The following GRM8 variants were observed in gnomAD, a reference collection of about 807,000 sequenced individuals.
The protein encoded by GRM8 is glutamate metabotropic receptor 8.
GRM8 carries 47 observed loss-of-function variants against 87.2 expected under a neutral mutation model. That is an observed-to-expected ratio of 0.54 (90% CI 0.43 to 0.69). The LOEUF is 0.69. Among genes scored for constraint, GRM8 ranks in the 30% least tolerant of loss-of-function variants. GRM8 has a pLI of 0.00. For synonymous variants in GRM8, 396 were observed against 404.5 expected, an observed-to-expected ratio of 0.98 and a Z score of 0.25; for missense variants, 1,019 against 1,139.2, an observed-to-expected ratio of 0.89 and a Z score of 1.52.
At chr7:127,003,676 T>C (rs1330120746) in intron 3 of GRM8, among the ~76,000 whole-genome samples, 3 of 151,742 alleles carry the variant, frequency 2.0e-5, no homozygotes, top group Non-Finnish European at 3.0e-5. Context: ...AAGTCTAAAC[T>C]TGAACAATGG....
At chr7:127,001,245 T>C (rs1401214930) in intron 3 of GRM8, among the ~76,000 whole-genome samples, 2 of 151,632 alleles carry the variant, frequency 1.3e-5, no homozygotes, top group Non-Finnish European at 3.0e-5. Flanking sequence ...TCAGATCATA[T>C]ACAAAATTAA....
intron 3 of GRM8, among the ~76,000 whole-genome samples, chr7:127,073,279 A>G (rs1485240762): frequency 2.0e-5 from 3 of 152,196 alleles, no homozygotes; most frequent in African/African-American, 7.2e-5. Flanking sequence ...ATCACTCTGA[A>G]CCCATGAACA....
At chr7:126,555,405 G>A (rs1487949966) in intron 8 of GRM8, among the ~76,000 whole-genome samples, 4 of 152,280 alleles carry the variant, frequency 2.6e-5, no homozygotes, top group East Asian at 1.9e-4. Flanking sequence ...TTTATCTTGC[G>A]TCACTACCAG....
At chr7:126,601,570 T>C (rs1313222572) in intron 8 of GRM8, among the ~76,000 whole-genome samples, 1 of 150,066 alleles carries the variant, frequency 6.7e-6, no homozygotes, top group South Asian at 2.1e-4. Context: ...TGTTCCTATT[T>C]CTCCACATCC....
chr7:126,784,093 T>C (rs1210029798), intron 6 of GRM8, among the ~76,000 whole-genome samples: 1 of 152,156 alleles, frequency 6.6e-6, no homozygotes, highest in African/African-American at 2.4e-5. Flanking sequence ...TAGCACATGG[T>C]TTGTGTGAGC....
chr7:127,113,342 G>A (rs1175609330), intron 2 of GRM8, among the ~76,000 whole-genome samples: 2 of 152,194 alleles, frequency 1.3e-5, no homozygotes, highest in Non-Finnish European at 2.9e-5. Flanking sequence ...CTTAGAGGAA[G>A]CTCCTCCAAA....
intron 3 of GRM8, among the ~76,000 whole-genome samples, chr7:126,955,620 G>T (rs1808597655): frequency 6.6e-6 from 1 of 152,040 alleles, no homozygotes; most frequent in Admixed American, 6.6e-5. Flanking sequence ...GGCTCAAATG[G>T]GTTCCTTTTC....
At chr7:126,484,253 T>C (rs1046734177) in intron 9 of GRM8, among the ~76,000 whole-genome samples, 1 of 152,052 alleles carries the variant, frequency 6.6e-6, no homozygotes, top group East Asian at 1.9e-4. Flanking sequence ...GTTACCCCAA[T>C]GATGGAGCAA....
At position 126,866,580 on chromosome 7, in the gene GRM8, ATTTTTTTTTTTTTTTTT is replaced by A. The variant is rs59013947; in HGVS notation, c.1156+35945_1156+35961del. 2.3e-3 allele frequency among the ~76,000 whole-genome samples: 156 copies of A among 68,038 alleles called. 1 individual carries two copies. Among genetic ancestry groups the A allele is most frequent in the Non-Finnish European group, 1.8e-3 (70 of 39,472 alleles). The allele number at this position is 68,038 out of a possible 152,430, so 44.6% of individuals were successfully genotyped here. A position where few individuals can be genotyped will look rare whatever the true frequency, so the allele number is the denominator to read the frequency against. ...CAAGTCTTGAATATACTTTGACTCAATTTTTTTTTTTTTTTTTTTTTTTTTTTTTGAGACGGAGTCTT... is the reference window on the plus strand; with the variant it reads ...CAAGTCTTGAATATACTTTGACTCAATTTTTTTTTTTTGAGACGGAGTCTT... On this transcript the variant is annotated intron_variant, in intron 6 of 10. Transcript: ENST00000339582.
chr7:126,470,180 T>TC (rs1804993958), intron 9 of GRM8, among the ~76,000 whole-genome samples: 1 of 152,012 alleles, frequency 6.6e-6, no homozygotes, highest in Non-Finnish European at 1.5e-5. Context: ...AAGAATTTCT[T>TC]TTTTTTATTT....
intron 8 of GRM8, among the ~76,000 whole-genome samples, chr7:126,539,582 A>G (rs565804039): frequency 3.9e-5 from 6 of 152,224 alleles, no homozygotes; most frequent in African/African-American, 1.2e-4. Context: ...TAGTACAGGC[A>G]TAATAATAAA....
intron 7 of GRM8, among the ~76,000 whole-genome samples, chr7:126,642,688 A>G (rs1802536568): frequency 6.6e-6 from 1 of 152,104 alleles, no homozygotes; most frequent in Admixed American, 6.6e-5. Context: ...GTAATACAAC[A>G]TTCAAGCAAA....
chr7:127,031,611 AAATT>A (rs1817371780), intron 3 of GRM8, among the ~76,000 whole-genome samples: 1 of 152,164 alleles, frequency 6.6e-6, no homozygotes, highest in Non-Finnish European at 1.5e-5. Context: ...GTACATCAAC[AAATT>A]AATAAGATCA....
intron 3 of GRM8, among the ~76,000 whole-genome samples, chr7:127,008,563 T>C (rs547939236): frequency 6.6e-6 from 1 of 152,250 alleles, no homozygotes; most frequent in African/African-American, 2.4e-5. Context: ...ATGTTGAAAT[T>C]TAATCTCAGT....
At chr7:126,742,774 T>G (rs1193735197) in intron 7 of GRM8, among the ~76,000 whole-genome samples, 1 of 152,106 alleles carries the variant, frequency 6.6e-6, no homozygotes. Context: ...AGCAATCATG[T>G]GTATACCTAA....
chr7:126,967,440 A>G (rs1809988962), intron 3 of GRM8, among the ~76,000 whole-genome samples: 1 of 152,166 alleles, frequency 6.6e-6, no homozygotes, highest in African/African-American at 2.4e-5. Context: ...CAAAGGGAAA[A>G]TAACCCACAC....
At chr7:127,236,981 C>A (rs969324902) in intron 2 of GRM8, among the ~76,000 whole-genome samples, 103 of 152,092 alleles carry the variant, frequency 6.8e-4, no homozygotes, top group African/African-American at 2.4e-3. Context: ...GGAGAGGAAG[C>A]ACAAGCTGCT....
intron 6 of GRM8, among the ~76,000 whole-genome samples, chr7:126,865,501 A>G (rs572120996): frequency 6.6e-5 from 10 of 152,200 alleles, no homozygotes; most frequent in Non-Finnish European, 1.2e-4. Flanking sequence ...CAGCTCATCT[A>G]TCAACATAAC....
Position 127,133,706 on chromosome 7 carries a change from CAAAAAAA to C in GRM8, c.511-27001_511-26995del, listed in dbSNP as rs137900224. Among the ~76,000 whole-genome samples, 212 of 98,790 alleles carry C rather than the reference CAAAAAAA, an allele frequency of 2.1e-3. 2 individuals are homozygous for C. The highest frequency in any genetic ancestry group is 5.9e-3 in the African/African-American group (184 of 30,988). 64.8% of individuals were successfully genotyped at this position (98,790 alleles called of 152,430 possible). A position where few individuals can be genotyped will look rare whatever the true frequency, so the allele number is the denominator to read the frequency against. On this transcript the variant is annotated intron_variant, in intron 2 of 10. Coordinates refer to ENST00000339582, the MANE Select transcript of GRM8 (RefSeq NM_000845.3). Reference sequence around the variant, plus strand: ...GGGCGACAGAGCAAGACTCCCTCTCCAAAAAAAAAAAAAAAAAAAAAAATTAATAAAT... The same window carrying C: ...GGGCGACAGAGCAAGACTCCCTCTCCAAAAAAAAAAAAAAAATTAATAAAT...
Sources: allele counts gnomAD v4.1 joint callset (sites outside exome capture counted in the v4.1 genomes callset), GRCh38; gene constraint gnomAD v4.1.1; transcripts MANE v1.5; gene names NCBI Gene and HGNC (gene_info 2026-07-23, HGNC 2026-07-21).